The following PCBP3 variants were observed in gnomAD, a reference collection of about 807,000 sequenced individuals.
PCBP3 encodes the protein poly(rC) binding protein 3, also known as poly(rC)-binding protein 3.
Under a neutral mutation model 52.7 loss-of-function variants are expected in PCBP3, and 25 were observed. The observed-to-expected ratio is 0.47, with a 90% CI of 0.35 to 0.66. The LOEUF (loss-of-function observed/expected upper bound fraction) is 0.66, where lower values mean the gene tolerates loss of function less well. Ranked by LOEUF, PCBP3 falls within the 30% of genes least tolerant of loss-of-function variation. The pLI is 0.01. For missense variants in PCBP3, 391 were observed against 490.3 expected (o/e 0.80, Z 1.91); for synonymous variants, 162 against 183.0 (o/e 0.89, Z 0.93).
chr21:45,767,708 A>T (rs977611610), intron 4 of PCBP3, among the ~76,000 whole-genome samples: 3 of 152,254 alleles, frequency 2.0e-5, no homozygotes, highest in African/African-American at 7.2e-5. Flanking sequence ...TGCTCAGGAT[A>T]GGACAGACCT....
rs570025604 is a variant in PCBP3, at chr21:45,929,793, C to G, written c.718-124C>G. The G allele has an allele frequency of 4.9e-5, 36 of 733,174 alleles. No individual in the cohort carries two copies. In the East Asian group the frequency reaches 9.1e-4, roughly 18 times the overall value. 45.4% of individuals were successfully genotyped at this position (733,174 alleles called of 1,614,324 possible). A position where few individuals can be genotyped will look rare whatever the true frequency, so the allele number is the denominator to read the frequency against. ...AAGTCCTTGCGTTCTCTTGCATCTG[C>G]CATGTGTCCGCATGGCCCTCTTTCT... On this transcript the variant is annotated intron_variant, in intron 13 of 17. Coordinates refer to ENST00000681687, the MANE Select transcript of PCBP3 (RefSeq NM_001384156.1).
At chr21:45,648,407 CTG>C (rs1191199221) in intron 1 of PCBP3, among the ~76,000 whole-genome samples, 1 of 152,210 alleles carries the variant, frequency 6.6e-6, no homozygotes, top group African/African-American at 2.4e-5. Flanking sequence ...CTAGGTAAGA[CTG>C]GCATCTGATA....
At chr21:45,909,272 G>A in intron 9 of PCBP3, 83 bp from the exon 10 acceptor site, 1 of 1,417,670 alleles carries the variant, frequency 7.1e-7, no homozygotes, top group Non-Finnish European at 9.6e-7. Context: ...CTGAGTGTGG[G>A]AAGTCAGGAC....
At chr21:45,882,378 T>C (rs1231349597) in intron 5 of PCBP3, among the ~76,000 whole-genome samples, 1 of 152,232 alleles carries the variant, frequency 6.6e-6, no homozygotes, top group East Asian at 1.9e-4. Flanking sequence ...ATCTGGTATT[T>C]GTTTTCTTGC....
intron 3 of PCBP3, among the ~76,000 whole-genome samples, chr21:45,747,709 G>C (rs2087030402): frequency 1.3e-5 from 2 of 152,246 alleles, no homozygotes; most frequent in Non-Finnish European, 2.9e-5. Context: ...GCCAGCAGAA[G>C]CTCTGCAGCC....
chr21:45,693,506 A>G (rs1198993166), intron 2 of PCBP3, among the ~76,000 whole-genome samples: 1 of 152,124 alleles, frequency 6.6e-6, no homozygotes, highest in Non-Finnish European at 1.5e-5. Context: ...ATCATACACA[A>G]CTGTTAAAAC....
intron 5 of PCBP3, among the ~76,000 whole-genome samples, chr21:45,860,952 C>T (rs1296764698): frequency 6.6e-6 from 1 of 152,202 alleles, no homozygotes; most frequent in East Asian, 1.9e-4. Flanking sequence ...GTGACCCCTC[C>T]GAGCAGGGCC....
chr21:45,667,372 T>TCTTTA (rs2080878973), intron 1 of PCBP3, among the ~76,000 whole-genome samples: 1 of 152,046 alleles, frequency 6.6e-6, no homozygotes, highest in South Asian at 2.1e-4. Flanking sequence ...TTTTTTAACT[T>TCTTTA]CTTTACTTTC....
chr21:45,856,253 A>C (rs1442067930), intron 5 of PCBP3, among the ~76,000 whole-genome samples: 1 of 152,204 alleles, frequency 6.6e-6, no homozygotes, highest in Non-Finnish European at 1.5e-5. Context: ...GACACCTATG[A>C]GATTTCATCC....
At chr21:45,646,270 G>A (rs949108876) in intron 1 of PCBP3, among the ~76,000 whole-genome samples, 3 of 151,920 alleles carry the variant, frequency 2.0e-5, no homozygotes, top group Admixed American at 6.6e-5. Context: ...TTGAAAACAC[G>A]CCATTTTATT....
intron 14 of PCBP3, among the ~76,000 whole-genome samples, chr21:45,930,580 G>C (rs370295166): frequency 1.3e-5 from 2 of 152,284 alleles, no homozygotes; most frequent in East Asian, 3.9e-4. Flanking sequence ...CAGAGGCAGC[G>C]CCATGCCTGT....
rs754653131 is a variant in PCBP3 at position 45,899,670 on chromosome 21, A to G, written c.189+48A>G. On this transcript the variant is annotated intron_variant, in intron 7 of 17. Transcript: ENST00000681687. Reference sequence around the variant, plus strand: ...CCTCTCCTGGGGTCTCTGTAAGGGGATGGTGAGGATGGCAGCCTCCCTGGG... The same window carrying G: ...CCTCTCCTGGGGTCTCTGTAAGGGGGTGGTGAGGATGGCAGCCTCCCTGGG... 8 of 1,440,652 alleles carry G rather than the reference A, an allele frequency of 5.6e-6. No homozygotes were observed. The East Asian group carries it at 1.8e-4, about 33-fold the overall frequency. 89.2% of individuals were successfully genotyped at this position (1,440,652 alleles called of 1,614,324 possible). A position where few individuals can be genotyped will look rare whatever the true frequency, so the allele number is the denominator to read the frequency against.
intron 2 of PCBP3, among the ~76,000 whole-genome samples, chr21:45,685,066 A>G (rs191224987): frequency 5.3e-4 from 81 of 152,334 alleles, no homozygotes; most frequent in Admixed American, 1.8e-3. Context: ...ATTACAAACC[A>G]TCATCCTAAC....
intron 1 of PCBP3, among the ~76,000 whole-genome samples, chr21:45,653,263 A>G (rs1343640758): frequency 1.3e-5 from 2 of 152,190 alleles, no homozygotes; most frequent in African/African-American, 4.8e-5. Flanking sequence ...GTTGGTAAGC[A>G]TGTTACATCT....
In PCBP3 at chr21:45,805,272, C is replaced by T. The variant is rs979419259; in HGVS notation, c.-125-44689C>T. Among the ~76,000 whole-genome samples, 3 of 152,100 alleles carry T rather than the reference C, an allele frequency of 2.0e-5. No homozygotes were observed. Among genetic ancestry groups the T allele is most frequent in the Non-Finnish European group, 4.4e-5 (3 of 68,010 alleles). ...TAGGAAGAGGCATTCTTGTGTGACT[C>T]TCTGGTCATTTGCTTGGGGGAGCTG... On this transcript the variant is annotated intron_variant, in intron 4 of 17. Transcript: ENST00000681687. The surrounding 1 kb of genome is among the most constrained non-coding windows in gnomAD (Gnocchi z 4.6).
intron 12 of PCBP3, 134 bp downstream of exon 12, chr21:45,914,159 C>T (rs1455574802): frequency 2.0e-6 from 3 of 1,471,718 alleles, no homozygotes; most frequent in African/African-American, 2.8e-5. Context: ...GGAGGCAGAG[C>T]TCTTCCACCT....
At chr21:45,899,654 G>A (rs1300464916) in intron 7 of PCBP3, 32 bp downstream of exon 7, 1 of 1,576,654 alleles carries the variant, frequency 6.3e-7, no homozygotes, top group South Asian at 1.1e-5. Flanking sequence ...GCCTCTCCTG[G>A]GGTCTCTGTA....
chr21:45,821,292 A>G lies in PCBP3; in HGVS notation c.-125-28669A>G, dbSNP rs985058267. Among the ~76,000 whole-genome samples, 5 of 151,940 alleles carry G rather than the reference A, an allele frequency of 3.3e-5. No individual in the cohort carries two copies. The highest frequency in any genetic ancestry group is 4.8e-5 in the African/African-American group (2 of 41,348). On this transcript the variant is annotated intron_variant, in intron 4 of 17. Coordinates refer to ENST00000681687, the MANE Select transcript of PCBP3 (RefSeq NM_001384156.1). The surrounding 1 kb of genome is among the most constrained non-coding windows in gnomAD (Gnocchi z 4.4). Reference sequence around the variant, plus strand: ...GGGTCGCCAGTGACTCCTGGGTCACACTGGCCCAGCACACACTGAGCTCCA... The same window carrying G: ...GGGTCGCCAGTGACTCCTGGGTCACGCTGGCCCAGCACACACTGAGCTCCA...
intron 9 of PCBP3, chr21:45,901,374 A>T: frequency 2.3e-6 from 1 of 428,056 alleles, no homozygotes; most frequent in Non-Finnish European, 4.4e-6. Context: ...CAGCTTCCCC[A>T]GACCCTGCCC....
Sources: gnomAD v4.1 joint callset for allele counts (sites outside exome capture counted in the v4.1 genomes callset) on GRCh38, gnomAD v4.1.1 for gene constraint, Gnocchi (gnomAD v3.1) non-coding constraint, MANE v1.5 for transcripts, NCBI Gene and HGNC (gene_info 2026-07-23, HGNC 2026-07-21) for gene names.